The following HS6ST3 variants were observed in gnomAD, a reference collection of about 807,000 sequenced individuals.
The protein encoded by HS6ST3 is heparan sulfate 6-O-sulfotransferase 3, also known as heparan-sulfate 6-O-sulfotransferase 3.
In HS6ST3, 12 loss-of-function variants were observed where a neutral mutation model predicts 36.7. That is an observed-to-expected ratio of 0.33 (90% CI 0.21 to 0.53). The LOEUF (loss-of-function observed/expected upper bound fraction) is 0.53, where lower values mean the gene tolerates loss of function less well. Ranked by LOEUF, HS6ST3 falls within the 20% of genes least tolerant of loss-of-function variation. The pLI is 0.95. For synonymous variants in HS6ST3, 240 were observed against 257.5 expected (o/e 0.93, Z 0.65); for missense variants, 584 against 640.9 (o/e 0.91, Z 0.96).
chr13:96,779,444 T>A (rs1414955176), intron 1 of HS6ST3, among the ~76,000 whole-genome samples: 1 of 152,116 alleles, frequency 6.6e-6, no homozygotes, highest in Non-Finnish European at 1.5e-5. Context: ...TCAACAACTA[T>A]ATGAGAGCTA....
At chr13:96,276,042 C>G (rs979597060) in intron 1 of HS6ST3, among the ~76,000 whole-genome samples, 3 of 152,078 alleles carry the variant, frequency 2.0e-5, no homozygotes, top group African/African-American at 7.2e-5. Flanking sequence ...TTGCCTCTCC[C>G]ATATGCCTTA....
At chr13:96,317,326 TTATA>T (rs537839404) in intron 1 of HS6ST3, among the ~76,000 whole-genome samples, 2,681 of 95,432 alleles carry the variant, frequency 0.028, 27 homozygotes, top group African/African-American at 0.034. Flanking sequence ...TAGTATTCCA[TTATA>T]TATATATATA....
Position 96,090,255 on chromosome 13 carries a change from G to A in HS6ST3, c.-608G>A, listed in dbSNP as rs1363849813. Among the ~76,000 whole-genome samples the A allele has an allele frequency of 2.0e-5, 3 of 151,570 alleles. No homozygotes were observed. The highest frequency in any genetic ancestry group is 4.8e-5 in the African/African-American group (2 of 41,372). ...CCTCGCCCGCTGCCGCTGCGCTGCG[G>A]GGGCCGCTCTGCAAACTTGCGGCGA... On this transcript the variant is annotated 5_prime_UTR_variant, in exon 1 of 2. Coordinates refer to ENST00000376705, the MANE Select transcript of HS6ST3 (RefSeq NM_153456.4).
chr13:96,109,566 AC>A (rs1056850371), intron 1 of HS6ST3, among the ~76,000 whole-genome samples: 1 of 152,234 alleles, frequency 6.6e-6, no homozygotes, highest in Non-Finnish European at 1.5e-5. Context: ...TTAGAAAGCT[AC>A]TTACATTTAT....
chr13:96,560,171 C>T (rs1250820228), intron 1 of HS6ST3, among the ~76,000 whole-genome samples: 3 of 152,072 alleles, frequency 2.0e-5, no homozygotes, highest in Non-Finnish European at 2.9e-5. Context: ...TGAGCGTGGG[C>T]CCCCTGAATG....
chr13:96,488,434 A>G (rs1312513248), intron 1 of HS6ST3, among the ~76,000 whole-genome samples: 1 of 152,128 alleles, frequency 6.6e-6, no homozygotes, highest in African/African-American at 2.4e-5. Context: ...TGGTAGTTGT[A>G]TTATATATCA....
intron 1 of HS6ST3, among the ~76,000 whole-genome samples, chr13:96,440,305 G>T (rs2055664111): frequency 6.6e-6 from 1 of 152,234 alleles, no homozygotes; most frequent in African/African-American, 2.4e-5. Flanking sequence ...AAATTAGCCA[G>T]GCATAGTGGC....
chr13:96,667,038 A>G (rs997178948), intron 1 of HS6ST3, among the ~76,000 whole-genome samples: 1 of 152,202 alleles, frequency 6.6e-6, no homozygotes, highest in Non-Finnish European at 1.5e-5. Context: ...TCAAGCCAAG[A>G]TAAACACCAC....
At chr13:96,523,320 G>A (rs564245435) in intron 1 of HS6ST3, among the ~76,000 whole-genome samples, 2 of 152,098 alleles carry the variant, frequency 1.3e-5, no homozygotes, top group Admixed American at 1.3e-4. Context: ...TTCAACCTTG[G>A]CAAATCTGAC....
intron 1 of HS6ST3, among the ~76,000 whole-genome samples, chr13:96,820,174 A>T (rs1192605074): frequency 6.6e-6 from 1 of 152,202 alleles, no homozygotes; most frequent in Non-Finnish European, 1.5e-5. Flanking sequence ...GCTGTCTCTG[A>T]TATAATCTTG....
At chr13:96,179,330 T>C (rs1206317122) in intron 1 of HS6ST3, among the ~76,000 whole-genome samples, 2 of 152,212 alleles carry the variant, frequency 1.3e-5, no homozygotes, top group South Asian at 2.1e-4. Flanking sequence ...GCAAACTCCC[T>C]GCATCAGTAA....
chr13:96,751,664 G>T (rs1004999563), intron 1 of HS6ST3, among the ~76,000 whole-genome samples: 15 of 151,978 alleles, frequency 9.9e-5, no homozygotes, highest in African/African-American at 3.4e-4. Flanking sequence ...CAAGAAGGCA[G>T]GCATGTAACT....
chr13:96,792,698 A>G (rs1877820154), intron 1 of HS6ST3, among the ~76,000 whole-genome samples: 1 of 152,000 alleles, frequency 6.6e-6, no homozygotes, highest in Admixed American at 6.6e-5. Context: ...TTGAGGATAA[A>G]ATATTTCAAG....
intron 1 of HS6ST3, among the ~76,000 whole-genome samples, chr13:96,816,842 T>C (rs1379175277): frequency 6.6e-6 from 1 of 152,238 alleles, no homozygotes; most frequent in Non-Finnish European, 1.5e-5. Context: ...TACTCTGATA[T>C]AATGTTTTTG....
intron 1 of HS6ST3, among the ~76,000 whole-genome samples, chr13:96,113,078 G>C (rs961047750): frequency 2.6e-5 from 4 of 152,072 alleles, no homozygotes; most frequent in African/African-American, 9.7e-5. Context: ...TGGTGTGTGT[G>C]GTGTTCCTCC....
At chr13:96,732,794 A>T (rs926976067) in intron 1 of HS6ST3, among the ~76,000 whole-genome samples, 3 of 151,594 alleles carry the variant, frequency 2.0e-5, no homozygotes, top group Non-Finnish European at 2.9e-5. Context: ...TGAGCATGGG[A>T]TATCTTTCCA....
At chr13:96,217,126 C>A (rs1016821020) in intron 1 of HS6ST3, among the ~76,000 whole-genome samples, 1 of 152,088 alleles carries the variant, frequency 6.6e-6, no homozygotes, top group Non-Finnish European at 1.5e-5. Flanking sequence ...TATTGGGGAG[C>A]CAGACGGAAG....
chr13:96,670,405 CAG>C (rs2056679003), intron 1 of HS6ST3, among the ~76,000 whole-genome samples: 1 of 152,014 alleles, frequency 6.6e-6, no homozygotes, highest in South Asian at 2.1e-4. Context: ...TAAAGAGGAA[CAG>C]AGAACAGGGT....
intron 1 of HS6ST3, among the ~76,000 whole-genome samples, chr13:96,600,402 A>G (rs936960646): frequency 1.3e-5 from 2 of 151,290 alleles, no homozygotes; most frequent in Non-Finnish European, 2.9e-5. Context: ...TGTTGAATTG[A>G]TCCTTTATTA....
Sources: gnomAD v4.1 joint callset for allele counts (sites outside exome capture counted in the v4.1 genomes callset) on GRCh38, gnomAD v4.1.1 for gene constraint, MANE v1.5 for transcripts, NCBI Gene and HGNC (gene_info 2026-07-23, HGNC 2026-07-21) for gene names.